The following CLVS1 variants were observed in gnomAD, a reference collection of about 807,000 sequenced individuals.
CLVS1 encodes clavesin-1.
CLVS1 carries 10 observed loss-of-function variants against 33.1 expected under a neutral mutation model. The observed-to-expected ratio is 0.30, with a 90% CI of 0.19 to 0.51. The LOEUF is 0.51. CLVS1 is among the 20% of genes least tolerant of loss of function. The probability of loss-of-function intolerance (pLI) is 0.97; values close to 1 mark genes in which losing one functional copy is unlikely to be tolerated. For missense variants in CLVS1, 343 were observed against 433.4 expected, an observed-to-expected ratio of 0.79 and a Z score of 1.85; for synonymous variants, 163 against 166.1, an observed-to-expected ratio of 0.98 and a Z score of 0.14.
chr8:61,361,788 A>G (rs1329414622), intron 2 of CLVS1, among the ~76,000 whole-genome samples: 1 of 152,188 alleles, frequency 6.6e-6, no homozygotes, highest in Non-Finnish European at 1.5e-5. Context: ...ATATTCATTT[A>G]TTAATATTAT....
chr8:61,394,694 A>G (rs1327120512), intron 3 of CLVS1, among the ~76,000 whole-genome samples: 1 of 152,128 alleles, frequency 6.6e-6, no homozygotes, highest in East Asian at 1.9e-4. Flanking sequence ...CGCCAGCAGC[A>G]CTGAGTTTAT....
the CLVS1 span, among the ~76,000 whole-genome samples, chr8:61,039,981 C>T: frequency 6.6e-6 from 1 of 152,142 alleles, no homozygotes; most frequent in Non-Finnish European, 1.5e-5. Context: ...GTTTTTCAGC[C>T]CTTGACCCTC....
At chr8:61,089,377 T>C (rs1805188474) in intron 1 of CLVS1, among the ~76,000 whole-genome samples, 1 of 152,234 alleles carries the variant, frequency 6.6e-6, no homozygotes, top group South Asian at 2.1e-4. Context: ...GAAATGGTGC[T>C]GTAGGTTCTG....
chr8:61,133,095 C>A (rs2129291538), intron 2 of CLVS1, among the ~76,000 whole-genome samples: 1 of 152,286 alleles, frequency 6.6e-6, no homozygotes, highest in South Asian at 2.1e-4. Context: ...GGAAATGCAT[C>A]TGGGAAGCAT....
intron 1 of CLVS1, among the ~76,000 whole-genome samples, chr8:61,119,439 C>T (rs1354836981): frequency 1.4e-5 from 2 of 146,910 alleles, no homozygotes; most frequent in Non-Finnish European, 3.0e-5. Context: ...TTATTTTGCT[C>T]GTTAGTTGAT....
intron 2 of CLVS1, among the ~76,000 whole-genome samples, chr8:61,321,094 GTT>G (rs1156465016): frequency 6.6e-6 from 1 of 152,092 alleles, no homozygotes; most frequent in Non-Finnish European, 1.5e-5. Context: ...CTCAATGTCT[GTT>G]TTTCCACCAA....
At position 61,391,469 on chromosome 8, in the gene CLVS1, G is replaced by T. The variant is rs576601555; in HGVS notation, c.630+14690G>T. On this transcript the variant is annotated intron_variant, in intron 3 of 5. Transcript: ENST00000325897. ...GGGGTAGTTGTTGCAGGGCTCAAAA[G>T]CTGGACTGAAGAGTTTGGAAAATAC... 2.0e-5 allele frequency among the ~76,000 whole-genome samples: 3 copies of T among 152,316 alleles called. No individual in the cohort carries two copies. In the East Asian group the frequency reaches 5.8e-4, roughly 29 times the overall value.
chr8:61,121,727 A>C (rs1805874503), intron 1 of CLVS1, among the ~76,000 whole-genome samples: 1 of 152,190 alleles, frequency 6.6e-6, no homozygotes, highest in African/African-American at 2.4e-5. Context: ...AGTATACACA[A>C]AAACAGCAGG....
rs368246600 is a variant in CLVS1 at position 61,191,102 on chromosome 8, T to C, written c.-152+59242T>C. ...GAGAATTTTAGACCAATATCCCTGA[T>C]GAACATCGATGCAAAAATCCTCAAT... On this transcript the variant is annotated intron_variant, in intron 2 of 2. Transcript: ENST00000522621. 6.2e-4 allele frequency among the ~76,000 whole-genome samples: 95 copies of C among 152,280 alleles called. No homozygotes were observed. In the South Asian group the frequency reaches 0.019, roughly 31 times the overall value.
At chr8:61,026,651 C>T in the CLVS1 span, among the ~76,000 whole-genome samples, 4 of 152,224 alleles carry the variant, frequency 2.6e-5, no homozygotes, top group East Asian at 1.9e-4. Context: ...GTCTGTGGAG[C>T]GCTACTGCCA....
chr8:61,181,506 A>G (rs552266443), intron 2 of CLVS1, among the ~76,000 whole-genome samples: 1 of 152,262 alleles, frequency 6.6e-6, no homozygotes, highest in African/African-American at 2.4e-5. Context: ...AAAACCAAAA[A>G]AGAACCTGTA....
chr8:61,135,215 G>A (rs187871003), intron 2 of CLVS1, among the ~76,000 whole-genome samples: 3 of 152,064 alleles, frequency 2.0e-5, no homozygotes, highest in Admixed American at 6.5e-5. Flanking sequence ...GGCAGCCTTC[G>A]GACTTGGTGA....
Position 61,282,366 on chromosome 8 carries a change from T to G in CLVS1, c.-151-17311T>G, listed in dbSNP as rs147668233. Among the ~76,000 whole-genome samples, 230 of 152,122 alleles carry G rather than the reference T, an allele frequency of 1.5e-3. 5 individuals are homozygous for G. The East Asian group carries it at 0.035, about 23-fold the overall frequency. ...CAGCTGGTAGAAGCAGGGGAAATGG[T>G]TGGAGATGCCACAGTAGAACCTGGT... On this transcript the variant is annotated intron_variant, in intron 2 of 2. Coordinates refer to the CLVS1 transcript ENST00000522621.
chr8:60,967,780 C>G, the CLVS1 span: 23 of 446,526 alleles, frequency 5.2e-5, no homozygotes, highest in South Asian at 3.6e-4. Context: ...CTTTCTTTTT[C>G]CTCTTATGAG....
intron 2 of CLVS1, among the ~76,000 whole-genome samples, chr8:61,145,396 G>A (rs954098931): frequency 2.0e-5 from 3 of 152,252 alleles, no homozygotes; most frequent in Non-Finnish European, 4.4e-5. Flanking sequence ...CGTTGGGGTT[G>A]GAGTGTGATT....
At chr8:61,338,624 C>T (rs905872999) in intron 2 of CLVS1, among the ~76,000 whole-genome samples, 2 of 152,212 alleles carry the variant, frequency 1.3e-5, no homozygotes, top group East Asian at 3.9e-4. Context: ...ACCATATGCT[C>T]ATTCCAAAAA....
intron 2 of CLVS1, among the ~76,000 whole-genome samples, chr8:61,282,481 A>G (rs1809690385): frequency 6.6e-6 from 1 of 152,208 alleles, no homozygotes; most frequent in South Asian, 2.1e-4. Context: ...TGCAGATAAT[A>G]TAGCAGAACA....
At chr8:61,222,937 T>G (rs1222292186) in intron 2 of CLVS1, among the ~76,000 whole-genome samples, 1 of 151,304 alleles carries the variant, frequency 6.6e-6, no homozygotes, top group East Asian at 1.9e-4. Context: ...TTGTCTTTTT[T>G]TTTTTTTTAT....
intron 2 of CLVS1, among the ~76,000 whole-genome samples, chr8:61,176,220 G>A (rs1322290237): frequency 2.6e-5 from 4 of 152,084 alleles, no homozygotes; most frequent in Non-Finnish European, 4.4e-5. Flanking sequence ...TGAACATCTG[G>A]GGTTGCCCTC....
Sources: gnomAD v4.1 joint callset for allele counts (sites outside exome capture counted in the v4.1 genomes callset) on GRCh38, gnomAD v4.1.1 for gene constraint, MANE v1.5 for transcripts, NCBI Gene and HGNC (gene_info 2026-07-23, HGNC 2026-07-21) for gene names.